The following LRRC10B variants were observed in gnomAD, a reference collection of about 807,000 sequenced individuals.
LRRC10B encodes the protein leucine rich repeat containing 10B, also known as leucine-rich repeat-containing protein 10B.
For missense variants in LRRC10B, 389 were observed against 436.5 expected, an observed-to-expected ratio of 0.89 and a Z score of 0.97; for synonymous variants, 204 against 221.5, an observed-to-expected ratio of 0.92 and a Z score of 0.70.
Position 61,508,930 on chromosome 11 carries a change from G to T in LRRC10B, c.-69G>T. 2 of 1,160,198 alleles carry T rather than the reference G, an allele frequency of 1.7e-6. No individual in the cohort carries two copies. The highest frequency in any genetic ancestry group is 2.1e-6 in the Non-Finnish European group (2 of 938,702). 71.9% of individuals were successfully genotyped at this position (1,160,198 alleles called of 1,614,324 possible). ...CGGCTCCGGCACCGTCGGGGCGGCT[G>T]GGGGGCGGCCGGGGCGGGGCGATGC... is the stretch of plus-strand genomic sequence containing the variant. On this transcript the variant is annotated 5_prime_UTR_variant, in exon 1 of 1. Coordinates refer to ENST00000378075, the MANE Select transcript of LRRC10B (RefSeq NM_001145077.2).
At position 61,510,280 on chromosome 11, in the gene LRRC10B, G is replaced by T; in HGVS notation, c.*403G>T. 5.2e-6 allele frequency: 1 copy of T among 191,592 alleles called. No homozygotes were observed. The allele number at this position is 191,592 out of a possible 1,614,324, so 11.9% of individuals were successfully genotyped here. ...GGGTCTCCTAGGCCCACCCTTTCTA[G>T]GACAGGAGCCGCTACCTCTGGGATG... On this transcript the variant is annotated 3_prime_UTR_variant, in exon 1 of 1. Transcript: ENST00000378075.
Position 61,510,127 on chromosome 11 carries a change from C to A in LRRC10B, c.*250C>A. ...AGAAGTCTGGGCTGGGTCCAGTCCCCGATGGAGCCACTGATAACAGAGGCA... is the reference window on the plus strand; with the variant it reads ...AGAAGTCTGGGCTGGGTCCAGTCCCAGATGGAGCCACTGATAACAGAGGCA... On this transcript the variant is annotated 3_prime_UTR_variant, in exon 1 of 1. Coordinates refer to ENST00000378075, the MANE Select transcript of LRRC10B (RefSeq NM_001145077.2). 2.3e-6 allele frequency: 1 copy of A among 436,886 alleles called. No individual in the cohort carries two copies. Among genetic ancestry groups the A allele is most frequent in the Non-Finnish European group, 4.1e-6 (1 of 242,916 alleles). 27.1% of individuals were successfully genotyped at this position (436,886 alleles called of 1,614,324 possible). A position where few individuals can be genotyped will look rare whatever the true frequency, so the allele number is the denominator to read the frequency against.
rs2062081730 is a variant in LRRC10B at position 61,510,820 on chromosome 11, G to A, written c.*943G>A. 6.0e-6 allele frequency: 1 copy of A among 167,066 alleles called. No individual in the cohort carries two copies. Among genetic ancestry groups the A allele is most frequent in the African/African-American group, 2.4e-5 (1 of 41,432 alleles). 10.3% of individuals were successfully genotyped at this position (167,066 alleles called of 1,614,324 possible). A position where few individuals can be genotyped will look rare whatever the true frequency, so the allele number is the denominator to read the frequency against. The stretch of plus-strand genomic sequence containing the variant: ...CCACTCCGTCACCAGGGACAGCCCC[G>A]AGGGGGTGAGGAGAGGGGCCTTGCT... On this transcript the variant is annotated 3_prime_UTR_variant, in exon 1 of 1. Transcript: ENST00000378075.
rs1263018800 is a variant in LRRC10B at position 61,509,475 on chromosome 11, G to C, written c.477G>C (p.Thr159=). The part of the protein sequence containing the change: ...RALPAELPRM[T]GLRGLWLYGN... ...TGCCGGCCGAGCTGCCGCGCATGAC[G>C]GGCTTGCGCGGCCTCTGGCTCTACG... Residue 159 remains threonine, a synonymous_variant, in exon 1 of 1, where the codon ACG becomes ACC. Transcript: ENST00000378075. The C allele has an allele frequency of 4.7e-6, 7 of 1,498,452 alleles. No individual in the cohort carries two copies. The highest frequency in any genetic ancestry group is 6.2e-6 in the Non-Finnish European group (7 of 1,132,766). The allele number at this position is 1,498,452 out of a possible 1,614,324, so 92.8% of individuals were successfully genotyped here.
Position 61,509,619 on chromosome 11 carries a change from C to G in LRRC10B, c.621C>G (p.Arg207=), listed in dbSNP as rs1207428084. 3.9e-6 allele frequency: 6 copies of G among 1,523,240 alleles called. No homozygotes were observed. Among genetic ancestry groups the G allele is most frequent in the African/African-American group, 2.9e-5 (2 of 69,946 alleles). The allele number at this position is 1,523,240 out of a possible 1,614,324, so 94.4% of individuals were successfully genotyped here. Reference sequence around the variant, plus strand: ...ACCTGCACCCGCTGCGCGCGCTGCGCGTCTTCTCCTACGACCACAACCCCG... The same window carrying G: ...ACCTGCACCCGCTGCGCGCGCTGCGGGTCTTCTCCTACGACCACAACCCCG... The part of the protein sequence containing the change: ...FPDLHPLRAL[R]VFSYDHNPVT... The change falls in exon 1 of 1, where the codon CGC becomes CGG. Residue 207 remains arginine (R), a synonymous_variant. Coordinates refer to ENST00000378075, the MANE Select transcript of LRRC10B (RefSeq NM_001145077.2).
chr11:61,508,910 C>T lies in LRRC10B; in HGVS notation c.-89C>T. 7.9e-6 allele frequency: 8 copies of T among 1,011,996 alleles called. No individual in the cohort carries two copies. The highest frequency in any genetic ancestry group is 9.6e-6 in the Non-Finnish European group (8 of 837,358). The allele number at this position is 1,011,996 out of a possible 1,614,324, so 62.7% of individuals were successfully genotyped here. A position where few individuals can be genotyped will look rare whatever the true frequency, so the allele number is the denominator to read the frequency against. On this transcript the variant is annotated 5_prime_UTR_variant, in exon 1 of 1. Coordinates refer to ENST00000378075, the MANE Select transcript of LRRC10B (RefSeq NM_001145077.2). ...GGGGGGCCCGGGGGCCGGCGCGGCT[C>T]CGGCACCGTCGGGGCGGCTGGGGGG...
Position 61,509,780 on chromosome 11 carries a change from A to G in LRRC10B, c.782A>G (p.Glu261Gly). The G allele has an allele frequency of 6.5e-7, 1 of 1,529,052 alleles. No individual in the cohort carries two copies. Among genetic ancestry groups the G allele is most frequent in the Non-Finnish European group, 8.7e-7 (1 of 1,143,264 alleles). The allele number at this position is 1,529,052 out of a possible 1,614,324, so 94.7% of individuals were successfully genotyped here. Reference protein sequence around the residue: ...RPARAFEDEEEEDLLIGGAGS... With the variant: ...RPARAFEDEEGEDLLIGGAGS... ...GCGCGGGCCTTTGAGGATGAGGAGG[A>G]GGAAGACCTGCTCATAGGCGGCGCT... The change falls in exon 1 of 1, where the codon GAG becomes GGG. Residue 261 changes from glutamate to glycine, a missense_variant. Transcript: ENST00000378075.
In LRRC10B at chr11:61,508,989, G is replaced by T. The variant is rs752415586; in HGVS notation, c.-10G>T. On this transcript the variant is annotated 5_prime_UTR_variant, in exon 1 of 1. Transcript: ENST00000378075. ...GGCAGTGGCGGCGGCCCCGGCCGGG[G>T]CCCGTGACCATGGGCATCGCCGAGT... is the stretch of plus-strand genomic sequence containing the variant. 5.3e-5 allele frequency: 72 copies of T among 1,348,932 alleles called. 1 individual carries two copies. In the South Asian group the frequency reaches 1.2e-3, roughly 23 times the overall value. The allele number at this position is 1,348,932 out of a possible 1,614,324, so 83.6% of individuals were successfully genotyped here. A position where few individuals can be genotyped will look rare whatever the true frequency, so the allele number is the denominator to read the frequency against.
In LRRC10B at chr11:61,509,818, C is replaced by A. The variant is rs527793153; in HGVS notation, c.820C>A (p.Leu274Met). The part of the protein sequence containing the change: ...LLIGGAGSRA[L>M]GAPGGSFRAL... Reference sequence around the variant, plus strand: ...CATAGGCGGCGCTGGTTCCCGGGCTCTGGGCGCCCCCGGGGGCAGCTTCCG... The same window carrying A: ...CATAGGCGGCGCTGGTTCCCGGGCTATGGGCGCCCCCGGGGGCAGCTTCCG... Residue 274 changes from leucine (L) to methionine (M), a missense_variant, in exon 1 of 1, where the codon CTG becomes ATG. Transcript: ENST00000378075. 3.9e-6 allele frequency: 6 copies of A among 1,532,352 alleles called. No homozygotes were observed. The African/African-American group carries it at 8.4e-5, about 21-fold the overall frequency. The allele number at this position is 1,532,352 out of a possible 1,614,324, so 94.9% of individuals were successfully genotyped here. A position where few individuals can be genotyped will look rare whatever the true frequency, so the allele number is the denominator to read the frequency against.
rs2062073213 is a variant in LRRC10B, at chr11:61,509,337, G to C, written c.339G>C (p.Gln113His). Residue 113 changes from glutamine to histidine, a missense_variant, in exon 1 of 1, where the codon CAG becomes CAC. Physicochemically the swap from Gln to His is conservative, Grantham distance 24 (BLOSUM62 0). Coordinates refer to ENST00000378075, the MANE Select transcript of LRRC10B (RefSeq NM_001145077.2). ...LALPADFAQL[Q>H]SLRCLWIEGN... Reference sequence around the variant, plus strand: ...TGCCCGCCGACTTCGCGCAGTTGCAGAGCCTGCGCTGCCTCTGGATCGAGG... The same window carrying C: ...TGCCCGCCGACTTCGCGCAGTTGCACAGCCTGCGCTGCCTCTGGATCGAGG... 2.7e-6 allele frequency: 4 copies of C among 1,497,920 alleles called. No individual in the cohort carries two copies. In the East Asian group the frequency reaches 7.9e-5, roughly 30 times the overall value. 92.8% of individuals were successfully genotyped at this position (1,497,920 alleles called of 1,614,324 possible).
chr11:61,509,292 C>A lies in LRRC10B; in HGVS notation c.294C>A (p.Gly98=), dbSNP rs1388542172. Residue 98 remains glycine, a synonymous_variant, in exon 1 of 1, where the codon GGC becomes GGA. Transcript: ENST00000378075. ...CGCGCCTCACGCGCCTCTATCTGGG[C>A]GGCAACCGGCTGCTGGCGCTGCCCG... ...RLPRLTRLYL[G]GNRLLALPAD... is the part of the protein sequence containing the mutation. 4.0e-6 allele frequency: 6 copies of A among 1,505,160 alleles called. No individual in the cohort carries two copies. The Admixed American group carries it at 1.3e-4, about 32-fold the overall frequency. The allele number at this position is 1,505,160 out of a possible 1,614,324, so 93.2% of individuals were successfully genotyped here.
chr11:61,509,319 C>G lies in LRRC10B; in HGVS notation c.321C>G (p.Ala107=), dbSNP rs1295033383. Residue 107 remains alanine, a synonymous_variant, in exon 1 of 1, where the codon GCC becomes GCG. Transcript: ENST00000378075. ...LGGNRLLALP[A]DFAQLQSLRC... is the part of the protein sequence containing the mutation. ...GCAACCGGCTGCTGGCGCTGCCCGCCGACTTCGCGCAGTTGCAGAGCCTGC... is the reference window on the plus strand; with the variant it reads ...GCAACCGGCTGCTGGCGCTGCCCGCGGACTTCGCGCAGTTGCAGAGCCTGC... 3.3e-6 allele frequency: 5 copies of G among 1,493,614 alleles called. No individual in the cohort carries two copies. The South Asian group carries it at 6.3e-5, about 19-fold the overall frequency. The allele number at this position is 1,493,614 out of a possible 1,614,324, so 92.5% of individuals were successfully genotyped here.
chr11:61,509,712 G>A lies in LRRC10B; in HGVS notation c.714G>A (p.Ala238=). 2 of 1,513,764 alleles carry A rather than the reference G, an allele frequency of 1.3e-6. No homozygotes were observed. The highest frequency in any genetic ancestry group is 1.8e-6 in the Non-Finnish European group (2 of 1,138,496). The allele number at this position is 1,513,764 out of a possible 1,614,324, so 93.8% of individuals were successfully genotyped here. The part of the protein sequence containing the change: ...LVGEGAVERM[A]ERDEPTPRPP... ...GCGAGGGCGCCGTCGAGCGCATGGC[G>A]GAGCGCGACGAGCCCACGCCCCGGC... is the stretch of plus-strand genomic sequence containing the variant. Residue 238 remains alanine, a synonymous_variant, in exon 1 of 1, where the codon GCG becomes GCA. Transcript: ENST00000378075.
rs1298609774 is a variant in LRRC10B, at chr11:61,509,757, G to A, written c.759G>A (p.Ala253=). ...CCCGGCCTCCGCCCCGGCGCCCAGC[G>A]CGGGCCTTTGAGGATGAGGAGGAGG... ...PTPRPPPRRP[A]RAFEDEEEED... Residue 253 remains alanine, a synonymous_variant, in exon 1 of 1, where the codon GCG becomes GCA. Transcript: ENST00000378075. 6.6e-7 allele frequency: 1 copy of A among 1,525,126 alleles called. No homozygotes were observed. Among genetic ancestry groups the A allele is most frequent in the Non-Finnish European group, 8.8e-7 (1 of 1,142,400 alleles). The allele number at this position is 1,525,126 out of a possible 1,614,324, so 94.5% of individuals were successfully genotyped here.
chr11:61,509,927 A>C lies in LRRC10B; in HGVS notation c.*50A>C. 1 of 1,439,826 alleles carries C rather than the reference A, an allele frequency of 6.9e-7. No individual in the cohort carries two copies. The highest frequency in any genetic ancestry group is 1.5e-5 in the South Asian group (1 of 67,862). 89.2% of individuals were successfully genotyped at this position (1,439,826 alleles called of 1,614,324 possible). A position where few individuals can be genotyped will look rare whatever the true frequency, so the allele number is the denominator to read the frequency against. On this transcript the variant is annotated 3_prime_UTR_variant, in exon 1 of 1. Transcript: ENST00000378075. ...CAGCCACTCTGAGAGGAGGGGCTCT[A>C]GGAAGCTTTGGCTGGTTAGGCCTGC...
rs1362063789 is a variant in LRRC10B, at chr11:61,509,526, C to G, written c.528C>G (p.Pro176=). 7 of 1,511,688 alleles carry G rather than the reference C, an allele frequency of 4.6e-6. No individual in the cohort carries two copies. In the African/African-American group the frequency reaches 7.2e-5, roughly 16 times the overall value. 93.6% of individuals were successfully genotyped at this position (1,511,688 alleles called of 1,614,324 possible). A position where few individuals can be genotyped will look rare whatever the true frequency, so the allele number is the denominator to read the frequency against. ...LYGNRFEEFP[P]ALLRMGRLHI... ...GCAACCGCTTCGAGGAGTTCCCGCCCGCGCTGCTGCGCATGGGCCGCCTGC... is the reference window on the plus strand; with the variant it reads ...GCAACCGCTTCGAGGAGTTCCCGCCGGCGCTGCTGCGCATGGGCCGCCTGC... The change falls in exon 1 of 1, where the codon CCC becomes CCG. Residue 176 remains proline, a synonymous_variant. Coordinates refer to ENST00000378075, the MANE Select transcript of LRRC10B (RefSeq NM_001145077.2).
At position 61,510,177 on chromosome 11, in the gene LRRC10B, C is replaced by T. The variant is rs2062078733; in HGVS notation, c.*300C>T. ...ACCAGCTTCCTCCTGGAACCAGGGT[C>T]TCTGAGGGCCACAGAATTGTCACGT... On this transcript the variant is annotated 3_prime_UTR_variant, in exon 1 of 1. Coordinates refer to ENST00000378075, the MANE Select transcript of LRRC10B (RefSeq NM_001145077.2). The T allele has an allele frequency of 2.8e-6, 1 of 361,322 alleles. No homozygotes were observed. The highest frequency in any genetic ancestry group is 4.8e-5 in the Admixed American group (1 of 20,840). 22.4% of individuals were successfully genotyped at this position (361,322 alleles called of 1,614,324 possible). A position where few individuals can be genotyped will look rare whatever the true frequency, so the allele number is the denominator to read the frequency against.
rs2062070662 is a variant in LRRC10B, at chr11:61,508,956, C to T, written c.-43C>T. The T allele has an allele frequency of 7.9e-7, 1 of 1,272,160 alleles. No individual in the cohort carries two copies. Among genetic ancestry groups the T allele is most frequent in the East Asian group, 3.2e-5 (1 of 31,154 alleles). The allele number at this position is 1,272,160 out of a possible 1,614,324, so 78.8% of individuals were successfully genotyped here. A position where few individuals can be genotyped will look rare whatever the true frequency, so the allele number is the denominator to read the frequency against. Reference sequence around the variant, plus strand: ...GGGGGCGGCCGGGGCGGGGCGATGCCTGGCGGTGGCAGTGGCGGCGGCCCC... The same window carrying T: ...GGGGGCGGCCGGGGCGGGGCGATGCTTGGCGGTGGCAGTGGCGGCGGCCCC... On this transcript the variant is annotated 5_prime_UTR_variant, in exon 1 of 1. Coordinates refer to ENST00000378075, the MANE Select transcript of LRRC10B (RefSeq NM_001145077.2).
Position 61,510,041 on chromosome 11 carries a change from AC to A in LRRC10B, c.*165del, listed in dbSNP as rs1176218865. 3.1e-6 allele frequency: 2 copies of A among 640,954 alleles called. No homozygotes were observed. The highest frequency in any genetic ancestry group is 7.8e-5 in the Admixed American group (2 of 25,760). The allele number at this position is 640,954 out of a possible 1,614,324, so 39.7% of individuals were successfully genotyped here. A position where few individuals can be genotyped will look rare whatever the true frequency, so the allele number is the denominator to read the frequency against. On this transcript the variant is annotated 3_prime_UTR_variant, in exon 1 of 1. Transcript: ENST00000378075. ...GCAGGGCTGGGGCTCATCTTCAGAC[AC>A]TCCTAGGTAGTAAGAGGACTGACTA... is the stretch of plus-strand genomic sequence containing the variant.
Sources: allele counts gnomAD v4.1 joint callset, GRCh38; gene constraint gnomAD v4.1.1; transcripts MANE v1.5; gene names NCBI Gene and HGNC (gene_info 2026-07-23, HGNC 2026-07-21).